Variants in HLCS observed in about 807,000 individuals in gnomAD.
HLCS encodes the protein biotin--protein ligase.
In HLCS, 53 loss-of-function variants were observed where a neutral mutation model predicts 75.0. The observed-to-expected ratio is 0.71, with a 90% CI of 0.57 to 0.89. The LOEUF (loss-of-function observed/expected upper bound fraction) is 0.89, where lower values mean the gene tolerates loss of function less well. Among genes scored for constraint, HLCS ranks in the 40% least tolerant of loss-of-function variants. The probability of loss-of-function intolerance (pLI) is 0.00; values close to 1 mark genes in which losing one functional copy is unlikely to be tolerated. For synonymous variants in HLCS, 431 were observed against 428.6 expected, an observed-to-expected ratio of 1.01 and a Z score of -0.07; for missense variants, 966 against 1,074.0, an observed-to-expected ratio of 0.90 and a Z score of 1.41.
In HLCS at chr21:36,830,135, C is replaced by A. The variant is rs554606919; in HGVS notation, c.1893-62850G>T. 3.9e-5 allele frequency among the ~76,000 whole-genome samples: 6 copies of A among 152,244 alleles called. No individual in the cohort carries two copies. In the South Asian group the frequency reaches 1.2e-3, roughly 32 times the overall value. On this transcript the variant is annotated intron_variant, in intron 6 of 10. Transcript: ENST00000674895. ...ACACAGGAGAGGTGACAGGAACACA[C>A]AGGGAGACGACAGCCTCTACAAGCC...
upstream of HLCS, among the ~76,000 whole-genome samples, chr21:36,969,389 A>G (rs2068723206): frequency 1.3e-5 from 2 of 152,110 alleles, no homozygotes; most frequent in African/African-American, 2.4e-5. Context: ...TCGCAAGAAA[A>G]GCGGAATCCT....
intron 6 of HLCS, among the ~76,000 whole-genome samples, chr21:36,860,086 C>T (rs189952556): frequency 1.6e-4 from 25 of 152,336 alleles, no homozygotes; most frequent in African/African-American, 5.3e-4. Flanking sequence ...TGTGCACACA[C>T]GAACCCTATA....
intron 6 of HLCS, among the ~76,000 whole-genome samples, chr21:36,845,539 A>C (rs2062768121): frequency 6.6e-6 from 1 of 152,160 alleles, no homozygotes; most frequent in Non-Finnish European, 1.5e-5. Context: ...ATGGTATGCA[A>C]GGCTCATTCA....
chr21:36,933,295 A>G (rs990921020), intron 4 of HLCS, among the ~76,000 whole-genome samples: 1 of 152,114 alleles, frequency 6.6e-6, no homozygotes, highest in African/African-American at 2.4e-5. Context: ...GGGAAGAGGC[A>G]GAAAAGCAAA....
At chr21:36,870,846 G>A (rs1013374674) in intron 6 of HLCS, among the ~76,000 whole-genome samples, 7 of 152,190 alleles carry the variant, frequency 4.6e-5, no homozygotes, top group South Asian at 4.1e-4. Context: ...CTGGGCAGAA[G>A]GGTTTGGAAA....
intron 2 of HLCS, among the ~76,000 whole-genome samples, chr21:36,955,169 T>C (rs1231984352): frequency 6.6e-6 from 1 of 152,234 alleles, no homozygotes; most frequent in African/African-American, 2.4e-5. Context: ...CCATGCACGT[T>C]ACTGCCCGTG....
intron 8 of HLCS, 111 bp from the exon 9 acceptor site, chr21:36,759,952 TCTC>T: frequency 6.5e-6 from 5 of 763,766 alleles, no homozygotes; most frequent in South Asian, 1.4e-5. Context: ...GGCCTCGTCC[TCTC>T]CTCTTTTTCA....
At chr21:36,825,294 G>A (rs1479479678) in intron 6 of HLCS, among the ~76,000 whole-genome samples, 1 of 151,970 alleles carries the variant, frequency 6.6e-6, no homozygotes, top group Non-Finnish European at 1.5e-5. Context: ...CGGCTGAGGC[G>A]GGAGGATCAC....
chr21:36,889,276 G>T (rs935425420), intron 6 of HLCS, among the ~76,000 whole-genome samples: 14 of 152,186 alleles, frequency 9.2e-5, no homozygotes, highest in African/African-American at 2.9e-4. Flanking sequence ...ACTTATTCAG[G>T]ATGCACAAGT....
Position 36,756,728 on chromosome 21 carries a change from T to TTA in HLCS, c.2262_2263dup (p.Asn755IlefsTer22). The TTA allele has an allele frequency of 6.2e-7, 1 of 1,614,150 alleles. No individual in the cohort carries two copies. Among genetic ancestry groups the TTA allele is most frequent in the Non-Finnish European group, 8.5e-7 (1 of 1,180,024 alleles). On this transcript the variant is annotated frameshift_variant, in exon 10 of 11. Transcript: ENST00000674895. LOFTEE classifies it high-confidence loss of function. ...GAGGTCGTTGATGCAGATGGTAGGG[T>TTA]TACTGTTAGTCACATTAAATCCACA...
intron 9 of HLCS, among the ~76,000 whole-genome samples, chr21:36,758,031 G>A (rs558761628): frequency 6.6e-5 from 10 of 152,124 alleles, no homozygotes; most frequent in Admixed American, 1.3e-4. Flanking sequence ...CCATCCTATG[G>A]CCTTCAGAAT....
intron 6 of HLCS, among the ~76,000 whole-genome samples, chr21:36,858,792 G>A (rs1374966091): frequency 2.6e-5 from 4 of 152,180 alleles, no homozygotes; most frequent in Admixed American, 2.6e-4. Flanking sequence ...CGGGGCAAGT[G>A]CCTTCCAGGT....
chr21:36,883,823 C>T (rs1208313208), intron 6 of HLCS, among the ~76,000 whole-genome samples: 1 of 152,132 alleles, frequency 6.6e-6, no homozygotes, highest in Non-Finnish European at 1.5e-5. Context: ...AGGTCCGACC[C>T]GCAGACCATG....
intron 6 of HLCS, among the ~76,000 whole-genome samples, chr21:36,886,307 T>C (rs2064456299): frequency 6.6e-6 from 1 of 151,576 alleles, no homozygotes; most frequent in Admixed American, 6.6e-5. Flanking sequence ...GTAGCAGGTG[T>C]CTGTAGTCTC....
chr21:36,854,957 G>A (rs1159241392), intron 6 of HLCS, among the ~76,000 whole-genome samples: 1 of 152,126 alleles, frequency 6.6e-6, no homozygotes, highest in African/African-American at 2.4e-5. Flanking sequence ...TGTAAATCAA[G>A]GGGGAGTTGG....
At chr21:36,857,774 C>G (rs2063245841) in intron 6 of HLCS, among the ~76,000 whole-genome samples, 1 of 151,988 alleles carries the variant, frequency 6.6e-6, no homozygotes, top group Non-Finnish European at 1.5e-5. Flanking sequence ...AATTTAGGAT[C>G]TTGGTTTTTT....
chr21:36,756,176 C>G (rs1025710756), intron 10 of HLCS, among the ~76,000 whole-genome samples: 3 of 152,086 alleles, frequency 2.0e-5, no homozygotes, highest in Non-Finnish European at 2.9e-5. Flanking sequence ...CGGTGGCTCA[C>G]ACCTGTAATC....
chr21:36,759,657 G>A, intron 9 of HLCS, 70 bp downstream of exon 9: 1 of 892,752 alleles, frequency 1.1e-6, no homozygotes, highest in Non-Finnish European at 1.9e-6. Flanking sequence ...ATGTAGGCAT[G>A]CATAAACCGT....
chr21:36,959,149 G>A (rs995974049), intron 2 of HLCS, among the ~76,000 whole-genome samples: 23 of 152,194 alleles, frequency 1.5e-4, no homozygotes, highest in Non-Finnish European at 2.9e-4. Flanking sequence ...AGAGGCCCCC[G>A]CTTCCCCACA....
Sources: allele counts gnomAD v4.1 joint callset (sites outside exome capture counted in the v4.1 genomes callset), GRCh38; gene constraint gnomAD v4.1.1; transcripts MANE v1.5; gene names NCBI Gene and HGNC (gene_info 2026-07-23, HGNC 2026-07-21).